YY1AP1: variants seen among roughly 807,000 people sequenced by gnomAD.
The protein encoded by YY1AP1 is YY1-associated protein 1.
A neutral mutation model predicts 39.9 loss-of-function variants in YY1AP1; 43 were observed. That is an observed-to-expected ratio of 1.08 (90% confidence interval 0.84 to 1.39). The LOEUF (loss-of-function observed/expected upper bound fraction) is 1.39. Ranked by LOEUF, YY1AP1 falls within the 40% of genes most tolerant of loss-of-function variation. The pLI is 0.00. For synonymous variants in YY1AP1, 292 were observed against 331.3 expected (o/e 0.88, Z 1.29); for missense variants, 813 against 900.7 (o/e 0.90, Z 1.25).
intron 9 of YY1AP1, among the ~76,000 whole-genome samples, chr1:155,663,516 T>C (rs348186): frequency 0.39 from 58,605 of 151,772 alleles, 13,293 homozygotes; most frequent in East Asian, 0.69. Context: ...GTCAGGAGTT[T>C]GAGACCAGCC....
intron 5 of YY1AP1, among the ~76,000 whole-genome samples, chr1:155,676,281 T>C (rs751093696): frequency 6.6e-5 from 10 of 152,072 alleles, no homozygotes; most frequent in Non-Finnish European, 1.3e-4. Context: ...ACAGTGAAGG[T>C]TAAATTTCAG....
rs1652508339 is a variant in YY1AP1 at position 155,687,006 on chromosome 1, C to A, written c.-21+1065G>T. Among the ~76,000 whole-genome samples, 3 of 151,864 alleles carry A rather than the reference C, an allele frequency of 2.0e-5. No individual in the cohort carries two copies. In the South Asian group the frequency reaches 6.2e-4, roughly 32 times the overall value. On this transcript the variant is annotated intron_variant, in intron 2 of 10. Coordinates refer to ENST00000355499, the MANE Select transcript of YY1AP1 (RefSeq NM_139119.3). ...CCAACTTTGTCACCAATTTAACATG[C>A]GGCCTTGGAGAAGTTCTCTCCTTAT...
intron 9 of YY1AP1, among the ~76,000 whole-genome samples, chr1:155,663,197 C>T (rs1424221579): frequency 6.6e-6 from 1 of 151,670 alleles, no homozygotes; most frequent in Non-Finnish European, 1.5e-5. Context: ...ATGGTGAAAC[C>T]CCATCTCTAC....
chr1:155,660,775 G>C lies in YY1AP1; in HGVS notation c.1135C>G (p.Arg379Gly), dbSNP rs531261237. 1 of 1,614,166 alleles carries C rather than the reference G, an allele frequency of 6.2e-7. No homozygotes were observed. Among genetic ancestry groups the C allele is most frequent in the African/African-American group, 1.3e-5 (1 of 75,036 alleles). The change falls in exon 11 of 11, where the codon CGG (arginine) becomes GGG (glycine). Residue 379 changes from arginine (R) to glycine (G), a missense_variant. Arg to Gly is a moderately radical substitution (Grantham distance 125). Coordinates refer to ENST00000355499, the MANE Select transcript of YY1AP1 (RefSeq NM_139119.3). ...CCCTTAGGCAATAGCAGTGGGTACC[G>C]AGTTTCACTCCCCAACTCTGAGTTG... ...KDNSELGSET[R>G]YPLLLPKGVV...
At chr1:155,661,856 CTG>C in intron 9 of YY1AP1, among the ~76,000 whole-genome samples, 1 of 152,124 alleles carries the variant, frequency 6.6e-6, no homozygotes, top group East Asian at 1.9e-4. Flanking sequence ...CAGGGTTTCA[CTG>C]TGTTAGCCAG....
chr1:155,664,058 T>G (rs1648579520), intron 9 of YY1AP1, among the ~76,000 whole-genome samples: 1 of 148,916 alleles, frequency 6.7e-6, no homozygotes, highest in Admixed American at 6.7e-5. Context: ...CACACCGGGT[T>G]GGAGACACCA....
At chr1:155,680,991 TTCTAATAGGAAGAAG>T (rs771263145) in intron 2 of YY1AP1, among the ~76,000 whole-genome samples, 1 of 152,106 alleles carries the variant, frequency 6.6e-6, no homozygotes, top group Non-Finnish European at 1.5e-5. Flanking sequence ...TGAACTTAAA[TTCTAATAGGAAGAAG>T]ACAAGGAGAA....
chr1:155,677,559 G>A (rs573856145), intron 4 of YY1AP1, among the ~76,000 whole-genome samples: 1 of 152,168 alleles, frequency 6.6e-6, no homozygotes, highest in African/African-American at 2.4e-5. Flanking sequence ...TAACAAGCAG[G>A]TTATCATATT....
intron 7 of YY1AP1, chr1:155,671,124 T>C (rs988499961): frequency 1.3e-5 from 2 of 152,256 alleles, no homozygotes; most frequent in African/African-American, 2.4e-5. Flanking sequence ...TCAACAATGC[T>C]TTTTTCTTCC....
intron 5 of YY1AP1, 150 bp from the exon 6 acceptor site, chr1:155,675,246 A>C: frequency 1.7e-6 from 1 of 598,996 alleles, no homozygotes; most frequent in Non-Finnish European, 2.9e-6. Flanking sequence ...ATGCCCTCTC[A>C]ACCACCTGTG....
At chr1:155,682,665 A>C (rs1044725423) in intron 2 of YY1AP1, among the ~76,000 whole-genome samples, 37 of 152,032 alleles carry the variant, frequency 2.4e-4, no homozygotes, top group African/African-American at 8.7e-4. Context: ...CCAGCCAAGT[A>C]CTTTGATTCT....
At chr1:155,687,970 A>T in intron 2 of YY1AP1, 101 bp downstream of exon 2, 1 of 1,313,602 alleles carries the variant, frequency 7.6e-7, no homozygotes, top group Non-Finnish European at 1.0e-6. Flanking sequence ...GCTCTCCCAG[A>T]GGTCCAGGTC....
chr1:155,680,845 G>A (rs1265592936), intron 2 of YY1AP1, among the ~76,000 whole-genome samples: 1 of 152,138 alleles, frequency 6.6e-6, no homozygotes, highest in East Asian at 1.9e-4. Context: ...GGGGTTACAG[G>A]CATGAGCCAC....
chr1:155,673,887 C>T (rs1195022580), intron 6 of YY1AP1, among the ~76,000 whole-genome samples: 2 of 151,968 alleles, frequency 1.3e-5, no homozygotes, highest in African/African-American at 4.8e-5. Flanking sequence ...ATAGGCCGGG[C>T]GCGGTGGCTC....
Position 155,660,754 on chromosome 1 carries a change from T to C in YY1AP1, c.1156A>G (p.Lys386Glu), listed in dbSNP as rs1407201159. ...GGCTTCAGTTTCAGGACTACACCCT[T>C]AGGCAATAGCAGTGGGTACCGAGTT... ...SETRYPLLLP[K>E]GVVLKLKPVA... The change falls in exon 11 of 11, where the codon AAG becomes GAG. Residue 386 changes from lysine to glutamate, a missense_variant. Lys to Glu is a moderately conservative substitution (Grantham distance 56, BLOSUM62 1). This residue lies in a region of YY1AP1 where 586 missense variants were observed against 647.4 expected (regional missense o/e 0.91). Transcript: ENST00000355499. The C allele has an allele frequency of 6.2e-7, 1 of 1,614,082 alleles. No individual in the cohort carries two copies. The highest frequency in any genetic ancestry group is 8.5e-7 in the Non-Finnish European group (1 of 1,180,026).
rs373815565 is a variant in YY1AP1, at chr1:155,676,613, C to T, written c.259G>A (p.Glu87Lys). The change falls in exon 5 of 11, where the codon GAA becomes AAA. Residue 87 changes from glutamate to lysine, a missense_variant. Glu to Lys is a moderately conservative substitution (Grantham distance 56). Coordinates refer to ENST00000355499, the MANE Select transcript of YY1AP1 (RefSeq NM_139119.3). Reference protein sequence around the residue: ...EVEKVKPQCKEVHQTLILDPA... With the variant: ...EVEKVKPQCKKVHQTLILDPA... ...TCCAGAATCAGGGTCTGATGAACTT[C>T]CTTACACTGGGGTTTAACCTTCTCT... 2.5e-6 allele frequency: 4 copies of T among 1,614,176 alleles called. No individual in the cohort carries two copies. The East Asian group carries it at 6.7e-5, about 27-fold the overall frequency.
At chr1:155,671,589 A>C (rs1197956046) in intron 7 of YY1AP1, among the ~76,000 whole-genome samples, 1 of 152,138 alleles carries the variant, frequency 6.6e-6, no homozygotes, top group Non-Finnish European at 1.5e-5. Context: ...GGAATGAGAC[A>C]ATTCAGTCTC....
chr1:155,665,223 G>C (rs1330803412), intron 9 of YY1AP1, among the ~76,000 whole-genome samples: 2 of 151,866 alleles, frequency 1.3e-5, no homozygotes, highest in Non-Finnish European at 2.9e-5. Flanking sequence ...TCTGAGACCA[G>C]CCTGGGCAAA....
intron 1 of YY1AP1, 30 bp downstream of exon 1, chr1:155,688,629 G>A (rs1200922006): frequency 2.6e-6 from 4 of 1,534,522 alleles, no homozygotes; most frequent in East Asian, 4.9e-5. Flanking sequence ...ACCCTGTCAA[G>A]CCGGCTCCAG....
Sources: allele counts gnomAD v4.1 joint callset (sites outside exome capture counted in the v4.1 genomes callset), GRCh38; gene constraint gnomAD v4.1.1; regional missense constraint gnomAD v4.1.1; transcripts MANE v1.5; gene names NCBI Gene and HGNC (gene_info 2026-07-23, HGNC 2026-07-21).